The following FBXW7 variants were observed in gnomAD, a reference collection of about 807,000 sequenced individuals.
FBXW7 encodes the protein F-box and WD repeat domain containing 7.
FBXW7 carries 11 observed loss-of-function variants against 86.3 expected under a neutral mutation model. That is an observed-to-expected ratio of 0.13 (90% CI 0.08 to 0.21). FBXW7 has a LOEUF of 0.21. Ranked by LOEUF, FBXW7 falls within the 10% of genes least tolerant of loss-of-function variation. The pLI, the probability that FBXW7 is intolerant of heterozygous loss-of-function variation, is 1.00. For synonymous variants in FBXW7, 313 were observed against 297.9 expected (o/e 1.05, Z -0.52); for missense variants, 488 against 847.4 (o/e 0.58, Z 5.27).
At chr4:152,390,147 A>AG (rs1735872927) in intron 4 of FBXW7, among the ~76,000 whole-genome samples, 1 of 151,898 alleles carries the variant, frequency 6.6e-6, no homozygotes, top group South Asian at 2.1e-4. Context: ...GTAGTGGTCT[A>AG]AACACTAGCA....
intron 2 of FBXW7, among the ~76,000 whole-genome samples, chr4:152,461,410 T>C (rs1742931043): frequency 6.6e-6 from 1 of 152,202 alleles, no homozygotes; most frequent in South Asian, 2.1e-4. Flanking sequence ...ATTGGCATTA[T>C]TTTTTATTGC....
chr4:152,513,090 G>C (rs113809365), intron 2 of FBXW7, among the ~76,000 whole-genome samples: 16,264 of 152,138 alleles, frequency 0.11, 1,151 homozygotes, highest in South Asian at 0.19. Context: ...TCGAACCCTT[G>C]ACCTCAGGTG....
Position 152,396,121 on chromosome 4 carries a change from T to C in FBXW7, c.501+15182A>G, listed in dbSNP as rs145855565. On this transcript the variant is annotated intron_variant, in intron 4 of 13. Transcript: ENST00000281708. ...CTGCTTGAAAATCATTCCAGGTTAG[T>C]AAATAAATCATTGATGGAAATTAGT... Among the ~76,000 whole-genome samples, 223 of 152,084 alleles carry C rather than the reference T, an allele frequency of 1.5e-3. 2 individuals are homozygous for C. The highest frequency in any genetic ancestry group is 5.2e-3 in the African/African-American group (215 of 41,520).
At chr4:152,400,723 T>C (rs1736851163) in intron 4 of FBXW7, among the ~76,000 whole-genome samples, 1 of 152,152 alleles carries the variant, frequency 6.6e-6, no homozygotes, top group South Asian at 2.1e-4. Flanking sequence ...AGCTGGACTC[T>C]ACTAAAATAG....
At chr4:152,369,382 G>C (rs1733796323) in intron 4 of FBXW7, among the ~76,000 whole-genome samples, 1 of 152,088 alleles carries the variant, frequency 6.6e-6, no homozygotes, top group African/African-American at 2.4e-5. Flanking sequence ...CTGCTTTTCT[G>C]ATATGAACTC....
chr4:152,459,049 T>G (rs980017685), intron 2 of FBXW7, among the ~76,000 whole-genome samples: 1 of 152,172 alleles, frequency 6.6e-6, no homozygotes, highest in African/African-American at 2.4e-5. Flanking sequence ...TCTCTGTATA[T>G]TCACTCCAAG....
chr4:152,521,452 A>G (rs1673608945), intron 2 of FBXW7, among the ~76,000 whole-genome samples: 1 of 152,228 alleles, frequency 6.6e-6, no homozygotes, highest in African/African-American at 2.4e-5. Flanking sequence ...AAGTACATAC[A>G]TGCTGTATAT....
chr4:152,391,467 T>C (rs75982980), intron 4 of FBXW7, among the ~76,000 whole-genome samples: 7,910 of 152,122 alleles, frequency 0.052, 351 homozygotes, highest in African/African-American at 0.12. Flanking sequence ...AGAAATAAAA[T>C]TCAATTCCTA....
intron 5 of FBXW7, among the ~76,000 whole-genome samples, chr4:152,347,628 A>G (rs1731399279): frequency 6.6e-6 from 1 of 152,134 alleles, no homozygotes; most frequent in Non-Finnish European, 1.5e-5. Context: ...GTTTGGTCTG[A>G]ATAGTTGACA....
chr4:152,412,699 C>T (rs1346346100), intron 2 of FBXW7, 170 bp from the exon 3 acceptor site: 2 of 151,930 alleles, frequency 1.3e-5, no homozygotes, highest in African/African-American at 4.8e-5. Context: ...CTAAACATGA[C>T]GTTCATAAAA....
At chr4:152,516,274 G>A (rs1318995108) in intron 2 of FBXW7, among the ~76,000 whole-genome samples, 1 of 152,258 alleles carries the variant, frequency 6.6e-6, no homozygotes, top group Non-Finnish European at 1.5e-5. Context: ...AGCAGGAGGT[G>A]AGCTGCAGGT....
intron 2 of FBXW7, among the ~76,000 whole-genome samples, chr4:152,508,193 T>C (rs1214275817): frequency 6.6e-6 from 1 of 151,736 alleles, no homozygotes; most frequent in African/African-American, 2.4e-5. Flanking sequence ...AAATAAATAA[T>C]GATGATAATA....
At chr4:152,491,284 A>G (rs1025523181) in intron 2 of FBXW7, among the ~76,000 whole-genome samples, 1 of 152,090 alleles carries the variant, frequency 6.6e-6, no homozygotes, top group African/African-American at 2.4e-5. Flanking sequence ...GTATCCTTCA[A>G]TTTTTTTAAA....
intron 4 of FBXW7, among the ~76,000 whole-genome samples, chr4:152,396,009 A>G (rs1006336942): frequency 1.3e-5 from 2 of 152,046 alleles, no homozygotes; most frequent in Admixed American, 6.6e-5. Flanking sequence ...CCCTCTTTTT[A>G]GAGAAGTTTT....
chr4:152,381,441 T>C (rs572006587), intron 4 of FBXW7, among the ~76,000 whole-genome samples: 80 of 152,232 alleles, frequency 5.3e-4, no homozygotes, highest in African/African-American at 1.8e-3. Context: ...TTCAGGCTCA[T>C]AAACCTATGT....
intron 2 of FBXW7, among the ~76,000 whole-genome samples, chr4:152,496,716 G>C (rs963537995): frequency 6.6e-6 from 1 of 151,998 alleles, no homozygotes; most frequent in East Asian, 1.9e-4. Flanking sequence ...AAATATCAAT[G>C]ACAGTCAACC....
At chr4:152,417,041 T>C (rs1430385924) in intron 2 of FBXW7, among the ~76,000 whole-genome samples, 4 of 152,144 alleles carry the variant, frequency 2.6e-5, no homozygotes, top group Non-Finnish European at 4.4e-5. Flanking sequence ...CCTCAGTGCA[T>C]CCCTCAGGCA....
At chr4:152,527,899 C>CAT (rs762642832) in intron 2 of FBXW7, among the ~76,000 whole-genome samples, 1 of 151,194 alleles carries the variant, frequency 6.6e-6, no homozygotes, top group Non-Finnish European at 1.5e-5. Flanking sequence ...CACACACACA[C>CAT]ACATATATAT....
chr4:152,476,044 G>C (rs1744365461), intron 2 of FBXW7, among the ~76,000 whole-genome samples: 1 of 151,988 alleles, frequency 6.6e-6, no homozygotes, highest in Admixed American at 6.5e-5. Context: ...TTCAGCAAAA[G>C]AACAAAATTT....
Sources: allele counts gnomAD v4.1 joint callset (sites outside exome capture counted in the v4.1 genomes callset), GRCh38; gene constraint gnomAD v4.1.1; transcripts MANE v1.5; gene names NCBI Gene and HGNC (gene_info 2026-07-23, HGNC 2026-07-21).